Variants in ZNF469 observed in about 807,000 individuals in gnomAD.
ZNF469 encodes the protein zinc finger protein 469.
A neutral mutation model predicts 1.0 loss-of-function variants in ZNF469; 1 was observed. The ratio of observed to expected loss-of-function variants is 1.00; its 90% CI spans 0.35 to 4.73. The LOEUF (loss-of-function observed/expected upper bound fraction) is 4.73, where lower values mean the gene tolerates loss of function less well. Ranked by LOEUF, ZNF469 falls within the 30% of genes most tolerant of loss-of-function variation. The pLI is 0.16. For synonymous variants in ZNF469, 2,703 were observed against 2,363.4 expected (o/e 1.14, Z -4.17); for missense variants, 6,100 against 5,356.3 (o/e 1.14, Z -4.33).
chr16:88,116,910 G>A, the ZNF469 span, among the ~76,000 whole-genome samples: 10 of 147,418 alleles, frequency 6.8e-5, no homozygotes, highest in Admixed American at 4.0e-4. Flanking sequence ...GCAGTTACAC[G>A]AATCTACACG....
chr16:88,205,518 C>T, the ZNF469 span, among the ~76,000 whole-genome samples: 2 of 152,284 alleles, frequency 1.3e-5, no homozygotes, highest in Non-Finnish European at 2.9e-5. This position sits in a 1 kb window ranked among gnomAD's most constrained non-coding sequence, Gnocchi z 4.2. Flanking sequence ...GAACATTCAG[C>T]TTAAGGGGCT....
the ZNF469 span, among the ~76,000 whole-genome samples, chr16:88,255,413 C>T: frequency 2.0e-5 from 3 of 152,200 alleles, no homozygotes; most frequent in African/African-American, 4.8e-5. Context: ...AAAGAAAGTG[C>T]TATTTTTAAT....
chr16:88,259,563 T>C, the ZNF469 span, among the ~76,000 whole-genome samples: 1 of 152,116 alleles, frequency 6.6e-6, no homozygotes, highest in African/African-American at 2.4e-5. The surrounding 1 kb of genome is among the most constrained non-coding windows in gnomAD (Gnocchi z 4.1). Context: ...TGGGGGCCTG[T>C]CCAGCCTCCA....
At chr16:88,150,055 C>G in the ZNF469 span, among the ~76,000 whole-genome samples, 1 of 152,316 alleles carries the variant, frequency 6.6e-6, no homozygotes, top group Non-Finnish European at 1.5e-5. Context: ...TGCCTATAAT[C>G]CCAGCACTTT....
intron 1 of ZNF469, among the ~76,000 whole-genome samples, chr16:88,400,436 G>A (rs922921223): frequency 6.6e-6 from 1 of 152,224 alleles, no homozygotes. Flanking sequence ...TCCTGCTGCT[G>A]CTCCCAGGAG....
chr16:88,322,397 G>C, the ZNF469 span, among the ~76,000 whole-genome samples: 31 of 152,236 alleles, frequency 2.0e-4, no homozygotes, highest in African/African-American at 7.2e-4. Flanking sequence ...CTGCTCTCGC[G>C]GTCTCGGGAG....
the ZNF469 span, among the ~76,000 whole-genome samples, chr16:88,288,396 C>T: frequency 6.6e-6 from 1 of 152,138 alleles, no homozygotes; most frequent in African/African-American, 2.4e-5. Context: ...TTTTATTTAT[C>T]ATATTTGCCT....
chr16:88,105,384 A>C, the ZNF469 span, among the ~76,000 whole-genome samples: 1 of 149,160 alleles, frequency 6.7e-6, no homozygotes, highest in African/African-American at 2.5e-5. Context: ...GGCTCACTGC[A>C]ACCTCTGCCT....
chr16:88,376,741 C>T, the ZNF469 span, among the ~76,000 whole-genome samples: 7 of 152,342 alleles, frequency 4.6e-5, no homozygotes, highest in Admixed American at 2.6e-4. Context: ...CTGAGGCTCG[C>T]GGGGTGTCCC....
the ZNF469 span, among the ~76,000 whole-genome samples, chr16:88,223,837 T>A: frequency 3.9e-5 from 6 of 152,250 alleles, no homozygotes; most frequent in Non-Finnish European, 8.8e-5. Context: ...GCCCCCTTCG[T>A]TAGAATGTAA....
At chr16:88,326,495 T>C in the ZNF469 span, among the ~76,000 whole-genome samples, 1 of 152,190 alleles carries the variant, frequency 6.6e-6, no homozygotes, top group Non-Finnish European at 1.5e-5. Flanking sequence ...GGACTGCAGC[T>C]TCTGCTGCTC....
chr16:88,402,672 C>G (rs927755115), intron 1 of ZNF469, among the ~76,000 whole-genome samples: 1 of 152,156 alleles, frequency 6.6e-6, no homozygotes, highest in Non-Finnish European at 1.5e-5. Context: ...TTCTCAGGGC[C>G]CTCTCTCATG....
the ZNF469 span, among the ~76,000 whole-genome samples, chr16:88,248,629 G>C: frequency 6.6e-6 from 1 of 152,218 alleles, no homozygotes; most frequent in Non-Finnish European, 1.5e-5. Flanking sequence ...AGATGGGCTA[G>C]TTATAACATT....
chr16:88,247,460 A>ATAAGTGAGTGAATGAG, the ZNF469 span, among the ~76,000 whole-genome samples: 2 of 148,520 alleles, frequency 1.3e-5, no homozygotes, highest in African/African-American at 5.2e-5. Context: ...GAATGAGTGA[A>ATAAGTGAGTGAATGAG]TGAATGAATG....
In ZNF469 at chr16:88,433,552, G is replaced by T; in HGVS notation, c.6082G>T (p.Gly2028Cys). The T allele has an allele frequency of 1.3e-6, 2 of 1,549,710 alleles. No homozygotes were observed. Among genetic ancestry groups the T allele is most frequent in the Non-Finnish European group, 1.7e-6 (2 of 1,146,662 alleles). Residue 2028 changes from glycine to cysteine, a missense_variant, in exon 3 of 3, where the codon GGC becomes TGC. By Grantham distance (159) the Gly-to-Cys change is radical. Transcript: ENST00000565624. ...VNASPKTALT[G>C]PTEGAVLLEK... ...TGCCAGTCCCAAAACAGCGCTGACC[G>T]GCCCCACCGAGGGTGCAGTCCTGCT...
Position 88,439,329 on chromosome 16 carries a change from G to C in ZNF469, c.11859G>C (p.Glu3953Asp). Residue 3953 changes from glutamate (E) to aspartate (D), a missense_variant, in exon 3 of 3, where the codon GAG becomes GAC. Physicochemically the swap from Glu to Asp is conservative, Grantham distance 45 (BLOSUM62 2). Coordinates refer to ENST00000565624, the MANE Select transcript of ZNF469 (RefSeq NM_001367624.2). ...FKIPLKKDAS[E>D] Reference sequence around the variant, plus strand: ...TCCCTTTAAAGAAAGATGCTTCCGAGTAATTTCTAGGAGCAAGAGCCTGGG... The same window carrying C: ...TCCCTTTAAAGAAAGATGCTTCCGACTAATTTCTAGGAGCAAGAGCCTGGG... The C allele has an allele frequency of 6.5e-7, 1 of 1,550,278 alleles. No homozygotes were observed.
chr16:88,103,187 G>A, the ZNF469 span, among the ~76,000 whole-genome samples: 1 of 151,700 alleles, frequency 6.6e-6, no homozygotes, highest in Non-Finnish European at 1.5e-5. Flanking sequence ...AGATGGTGTC[G>A]GTGGCTTTTT....
the ZNF469 span, among the ~76,000 whole-genome samples, chr16:88,323,489 G>A: frequency 6.6e-6 from 1 of 152,218 alleles, no homozygotes; most frequent in Non-Finnish European, 1.5e-5. Context: ...AAGGCCCCAG[G>A]ACAGGCCCTG....
At chr16:88,360,895 A>G in the ZNF469 span, among the ~76,000 whole-genome samples, 1 of 152,150 alleles carries the variant, frequency 6.6e-6, no homozygotes, top group Non-Finnish European at 1.5e-5. Context: ...GTTTCATGGA[A>G]GATAATTTTT....
Sources: allele counts gnomAD v4.1 joint callset (sites outside exome capture counted in the v4.1 genomes callset), GRCh38; gene constraint gnomAD v4.1.1; non-coding constraint Gnocchi (gnomAD v3.1); transcripts MANE v1.5; gene names NCBI Gene and HGNC (gene_info 2026-07-23, HGNC 2026-07-21).